STXBP6: variants seen among roughly 807,000 people sequenced by gnomAD.
STXBP6 encodes the protein syntaxin binding protein 6.
STXBP6 carries 21 observed loss-of-function variants against 26.9 expected under a neutral mutation model. The ratio of observed to expected loss-of-function variants is 0.78; its 90% CI spans 0.55 to 1.12. STXBP6 has a LOEUF of 1.12. Ranked by LOEUF, STXBP6 falls within the 50% of genes most tolerant of loss-of-function variation. The probability of loss-of-function intolerance (pLI) is 0.00; values close to 1 mark genes in which losing one functional copy is unlikely to be tolerated. For missense variants in STXBP6, 232 were observed against 257.9 expected (o/e 0.90, Z 0.69); for synonymous variants, 97 against 92.6 (o/e 1.05, Z -0.27).
chr14:24,918,026 T>C (rs559457315), intron 2 of STXBP6, among the ~76,000 whole-genome samples: 5 of 152,144 alleles, frequency 3.3e-5, no homozygotes, highest in African/African-American at 1.2e-4. Flanking sequence ...CACAAAAGGC[T>C]GTATGGTTCC....
At chr14:24,855,774 C>T (rs1019842861) in intron 4 of STXBP6, among the ~76,000 whole-genome samples, 162 bp downstream of exon 4, 13 of 151,986 alleles carry the variant, frequency 8.6e-5, no homozygotes, top group Non-Finnish European at 1.5e-4. Flanking sequence ...CTAAATTTAC[C>T]ATACAATAAA....
chr14:24,873,351 G>A (rs970941976), intron 2 of STXBP6, among the ~76,000 whole-genome samples: 1 of 152,040 alleles, frequency 6.6e-6, no homozygotes, highest in Non-Finnish European at 1.5e-5. Flanking sequence ...GGTTCAACAA[G>A]CCAGAAGAGC....
Position 24,992,731 on chromosome 14 carries a change from G to A in STXBP6, c.-32-17881C>T, listed in dbSNP as rs150509787. On this transcript the variant is annotated intron_variant, in intron 1 of 5. Coordinates refer to ENST00000323944, the MANE Select transcript of STXBP6 (RefSeq NM_001394410.1). ...ACCAATCAAGAACATATGTATGTGCGAAACATCAATGCTAGCTGCTGAGGC... is the reference window on the plus strand; with the variant it reads ...ACCAATCAAGAACATATGTATGTGCAAAACATCAATGCTAGCTGCTGAGGC... Among the ~76,000 whole-genome samples the A allele has an allele frequency of 6.1e-4, 93 of 152,264 alleles. No individual in the cohort carries two copies. The East Asian group carries it at 0.016, about 27-fold the overall frequency.
intron 2 of STXBP6, among the ~76,000 whole-genome samples, chr14:24,939,795 T>C (rs2072737565): frequency 6.6e-6 from 1 of 152,218 alleles, no homozygotes; most frequent in African/African-American, 2.4e-5. Flanking sequence ...TATTTTACAT[T>C]TTTTTAATAC....
intron 1 of STXBP6, among the ~76,000 whole-genome samples, chr14:25,031,609 G>A (rs540938615): frequency 1.1e-3 from 172 of 152,098 alleles, no homozygotes; most frequent in Non-Finnish European, 2.0e-3. Context: ...GGCTTTAATC[G>A]TCTTAGCATG....
intron 4 of STXBP6, among the ~76,000 whole-genome samples, chr14:24,833,499 T>C (rs1382592976): frequency 1.3e-5 from 2 of 152,222 alleles, no homozygotes; most frequent in Non-Finnish European, 2.9e-5. Context: ...AATTAGTAAG[T>C]GTACAATAGT....
intron 4 of STXBP6, among the ~76,000 whole-genome samples, chr14:24,821,683 A>G (rs2068139300): frequency 6.6e-6 from 1 of 151,890 alleles, no homozygotes; most frequent in African/African-American, 2.4e-5. Context: ...GTCAATTCCA[A>G]TCTCTCCCTC....
chr14:24,910,290 T>C (rs1466272890), intron 2 of STXBP6, among the ~76,000 whole-genome samples: 3 of 152,212 alleles, frequency 2.0e-5, no homozygotes, highest in Non-Finnish European at 4.4e-5. Context: ...CTATGTTGTT[T>C]TATAGTTAGT....
intron 2 of STXBP6, among the ~76,000 whole-genome samples, chr14:24,874,896 A>T (rs539751021): frequency 6.6e-6 from 1 of 152,264 alleles, no homozygotes; most frequent in Admixed American, 6.5e-5. Flanking sequence ...GCTCATTAAA[A>T]TGGCTCTCCA....
chr14:24,949,162 A>G (rs2073086290), intron 2 of STXBP6, among the ~76,000 whole-genome samples: 1 of 152,192 alleles, frequency 6.6e-6, no homozygotes, highest in Non-Finnish European at 1.5e-5. Context: ...TTACAGACAA[A>G]TGCTGTTTAT....
In STXBP6 at chr14:24,937,515, C is replaced by G. The variant is rs541757382; in HGVS notation, c.154+37150G>C. 1.1e-3 allele frequency among the ~76,000 whole-genome samples: 164 copies of G among 152,318 alleles called. 1 individual carries two copies. The highest frequency in any genetic ancestry group is 4.4e-3 in the South Asian group (21 of 4,826). On this transcript the variant is annotated intron_variant, in intron 2 of 5. Coordinates refer to ENST00000323944, the MANE Select transcript of STXBP6 (RefSeq NM_001394410.1). The stretch of plus-strand genomic sequence containing the variant: ...GACAATATGAGCAGTTATGCCCAAT[C>G]TGCACAGGCAATCACAATTATGTGA...
chr14:24,975,730 T>C (rs1356870419), intron 1 of STXBP6, among the ~76,000 whole-genome samples: 1 of 152,188 alleles, frequency 6.6e-6, no homozygotes, highest in East Asian at 1.9e-4. Context: ...TATATTTAGT[T>C]TTCTAAAAGT....
chr14:24,933,856 T>C (rs1047051997), intron 2 of STXBP6, among the ~76,000 whole-genome samples: 1 of 152,104 alleles, frequency 6.6e-6, no homozygotes, highest in Non-Finnish European at 1.5e-5. Flanking sequence ...ATATACAAAG[T>C]CCAGTTAAAA....
At chr14:25,024,128 T>C (rs906133621) in intron 1 of STXBP6, among the ~76,000 whole-genome samples, 6 of 151,890 alleles carry the variant, frequency 4.0e-5, no homozygotes, top group African/African-American at 1.5e-4. Context: ...GCTAACACGG[T>C]GAAACCCCGT....
rs1241713620 is a variant in STXBP6 at position 25,049,294 on chromosome 14, C to T, written c.-33+584G>A. 9 of 985,346 alleles carry T rather than the reference C, an allele frequency of 9.1e-6. No individual in the cohort carries two copies. Among genetic ancestry groups the T allele is most frequent in the Non-Finnish European group, 8.4e-6 (7 of 829,954 alleles). The allele number at this position is 985,346 out of a possible 1,614,324, so 61.0% of individuals were successfully genotyped here. A position where few individuals can be genotyped will look rare whatever the true frequency, so the allele number is the denominator to read the frequency against. On this transcript the variant is annotated intron_variant, in intron 1 of 5. Coordinates refer to ENST00000323944, the MANE Select transcript of STXBP6 (RefSeq NM_001394410.1). This position sits in a 1 kb window ranked among gnomAD's most constrained non-coding sequence, Gnocchi z 5.6. ...CGAATTCGGAACCTGGCGCCCTTGA[C>T]CAAGCCTGAGATCGGAAAGGGGGCA...
intron 4 of STXBP6, among the ~76,000 whole-genome samples, chr14:24,854,048 T>C (rs1297989241): frequency 1.3e-5 from 2 of 152,192 alleles, no homozygotes; most frequent in Non-Finnish European, 2.9e-5. Flanking sequence ...TAGCATGTAG[T>C]AGGTTCTTAG....
intron 2 of STXBP6, among the ~76,000 whole-genome samples, chr14:24,912,598 T>C (rs1196491455): frequency 4.6e-5 from 7 of 152,146 alleles, no homozygotes; most frequent in Non-Finnish European, 1.0e-4. Context: ...TAATCTAAGG[T>C]TTAAATAACA....
At chr14:24,819,289 G>T in intron 4 of STXBP6, 95 bp from the exon 5 acceptor site, 2 of 1,452,866 alleles carry the variant, frequency 1.4e-6, no homozygotes, top group Non-Finnish European at 1.9e-6. Context: ...AGGAAGGCAG[G>T]TCACACTGCA....
At chr14:25,010,894 A>C (rs1339411267) in intron 1 of STXBP6, among the ~76,000 whole-genome samples, 1 of 152,096 alleles carries the variant, frequency 6.6e-6, no homozygotes, top group African/African-American at 2.4e-5. Flanking sequence ...TGAAAGAACC[A>C]CCTTTCTACT....
Sources: allele counts gnomAD v4.1 joint callset (sites outside exome capture counted in the v4.1 genomes callset), GRCh38; gene constraint gnomAD v4.1.1; non-coding constraint Gnocchi (gnomAD v3.1); transcripts MANE v1.5; gene names NCBI Gene and HGNC (gene_info 2026-07-23, HGNC 2026-07-21).